PCDH9: variants seen among roughly 807,000 people sequenced by gnomAD.
The protein encoded by PCDH9 is protocadherin 9, also known as protocadherin-9.
Under a neutral mutation model 70.6 loss-of-function variants are expected in PCDH9, and 24 were observed. The ratio of observed to expected loss-of-function variants is 0.34; its 90% CI spans 0.25 to 0.48. The LOEUF (loss-of-function observed/expected upper bound fraction) is 0.48, where lower values mean the gene tolerates loss of function less well. PCDH9 is among the 20% of genes least tolerant of loss of function. PCDH9 has a pLI of 0.99. For missense variants in PCDH9, 1,281 were observed against 1,503.6 expected (o/e 0.85, Z 2.45); for synonymous variants, 562 against 558.5 (o/e 1.01, Z -0.09).
chr13:66,535,153 A>C (rs1484084088), intron 4 of PCDH9, among the ~76,000 whole-genome samples: 1 of 152,118 alleles, frequency 6.6e-6, no homozygotes, highest in African/African-American at 2.4e-5. Context: ...ATAAAGTAAC[A>C]ACAATTTTTA....
intron 3 of PCDH9, among the ~76,000 whole-genome samples, chr13:66,704,060 T>C (rs1019647004): frequency 6.6e-6 from 1 of 152,206 alleles, no homozygotes; most frequent in African/African-American, 2.4e-5. Flanking sequence ...ATACTAAAAG[T>C]GCTTTCTTAC....
chr13:67,218,612 T>A (rs2089658895), intron 2 of PCDH9: 1 of 152,052 alleles, frequency 6.6e-6, no homozygotes, highest in African/African-American at 2.4e-5. Flanking sequence ...AGAAGAATGT[T>A]AAAATACAAG....
chr13:66,472,449 G>A (rs1033499860), intron 4 of PCDH9, among the ~76,000 whole-genome samples: 1 of 151,798 alleles, frequency 6.6e-6, no homozygotes, highest in African/African-American at 2.4e-5. Flanking sequence ...GCATGCACCT[G>A]TAGTCCTAGC....
intron 3 of PCDH9, among the ~76,000 whole-genome samples, chr13:66,836,263 C>T (rs997816402): frequency 6.6e-6 from 1 of 152,036 alleles, no homozygotes; most frequent in Non-Finnish European, 1.5e-5. Context: ...GACATGAGAC[C>T]TCTCCCCAGT....
chr13:66,603,991 T>A (rs1391696115), intron 4 of PCDH9, among the ~76,000 whole-genome samples: 2 of 152,052 alleles, frequency 1.3e-5, no homozygotes, highest in African/African-American at 2.4e-5. Context: ...AACTCCCCTT[T>A]CATTTATGAT....
At chr13:66,335,310 C>A (rs1956018607) in intron 4 of PCDH9, among the ~76,000 whole-genome samples, 1 of 152,078 alleles carries the variant, frequency 6.6e-6, no homozygotes, top group Non-Finnish European at 1.5e-5. Flanking sequence ...GTGTCCTCTC[C>A]TACTTATCTC....
intron 4 of PCDH9, among the ~76,000 whole-genome samples, chr13:66,429,437 T>TTTTG (rs1191175749): frequency 6.6e-6 from 1 of 150,720 alleles, no homozygotes; most frequent in East Asian, 1.9e-4. Flanking sequence ...TCTGTTTTTT[T>TTTTG]TTTTTAATAT....
intron 2 of PCDH9, among the ~76,000 whole-genome samples, chr13:67,133,183 G>T: frequency 6.6e-6 from 1 of 151,986 alleles, no homozygotes; most frequent in East Asian, 1.9e-4. Flanking sequence ...AAATAAATTT[G>T]ACATGTGACT....
chr13:66,934,457 C>G (rs1183172913), intron 2 of PCDH9, among the ~76,000 whole-genome samples: 21 of 150,068 alleles, frequency 1.4e-4, no homozygotes, highest in Admixed American at 8.0e-4. Flanking sequence ...AGGAGAATCA[C>G]TTGAACCCGG....
At chr13:66,757,917 T>G (rs1025550429) in intron 3 of PCDH9, among the ~76,000 whole-genome samples, 14 of 152,180 alleles carry the variant, frequency 9.2e-5, no homozygotes, top group Non-Finnish European at 1.3e-4. Context: ...AGCCTAAATT[T>G]CTTGATGTAT....
At chr13:66,618,337 A>G (rs1195223242) in intron 4 of PCDH9, among the ~76,000 whole-genome samples, 2 of 152,154 alleles carry the variant, frequency 1.3e-5, no homozygotes, top group Non-Finnish European at 2.9e-5. Context: ...GCACTCATGT[A>G]TTTGTCAGCC....
intron 4 of PCDH9, among the ~76,000 whole-genome samples, chr13:66,433,210 A>G (rs570887616): frequency 7.2e-5 from 11 of 152,138 alleles, no homozygotes; most frequent in African/African-American, 2.6e-4. Flanking sequence ...ACTAACTTGC[A>G]ATAGCAAGCT....
At chr13:66,588,606 C>T (rs1330362521) in intron 4 of PCDH9, among the ~76,000 whole-genome samples, 1 of 151,648 alleles carries the variant, frequency 6.6e-6, no homozygotes, top group African/African-American at 2.4e-5. Flanking sequence ...AAGGAAATTT[C>T]TAAATAATTT....
intron 4 of PCDH9, among the ~76,000 whole-genome samples, chr13:66,533,072 C>A (rs1032522320): frequency 6.6e-6 from 1 of 152,108 alleles, no homozygotes; most frequent in Non-Finnish European, 1.5e-5. Flanking sequence ...GGGTGGAACT[C>A]CGGCAGTTCA....
At chr13:66,965,985 G>T (rs953784775) in intron 2 of PCDH9, among the ~76,000 whole-genome samples, 1 of 151,986 alleles carries the variant, frequency 6.6e-6, no homozygotes, top group African/African-American at 2.4e-5. Context: ...TTGAATTTAG[G>T]TCACCTAAAT....
At chr13:67,109,855 T>C (rs2086620424) in intron 2 of PCDH9, among the ~76,000 whole-genome samples, 1 of 152,132 alleles carries the variant, frequency 6.6e-6, no homozygotes, top group Non-Finnish European at 1.5e-5. Context: ...AGATGAAAAA[T>C]CACAACATAT....
At chr13:66,935,409 T>C (rs1179474262) in intron 2 of PCDH9, among the ~76,000 whole-genome samples, 1 of 152,138 alleles carries the variant, frequency 6.6e-6, no homozygotes, top group East Asian at 1.9e-4. Context: ...AAATTTCAAG[T>C]TGGTACTGAG....
intron 3 of PCDH9, among the ~76,000 whole-genome samples, chr13:66,753,082 T>G (rs2079485451): frequency 6.6e-6 from 1 of 152,144 alleles, no homozygotes; most frequent in Admixed American, 6.6e-5. Context: ...AATTTGTAGG[T>G]TTAGTTAGGT....
chr13:66,885,857 G>A (rs1438480136), intron 3 of PCDH9: 1 of 152,094 alleles, frequency 6.6e-6, no homozygotes, highest in East Asian at 1.9e-4. Flanking sequence ...TTCTTCTCAC[G>A]AAACTGTTTT....
Sources: allele counts gnomAD v4.1 joint callset (sites outside exome capture counted in the v4.1 genomes callset), GRCh38; gene constraint gnomAD v4.1.1; transcripts MANE v1.5; gene names NCBI Gene and HGNC (gene_info 2026-07-23, HGNC 2026-07-21).